Variants in CD320 observed in about 807,000 individuals in gnomAD.
The protein encoded by CD320 is CD320 molecule, also known as CD320 antigen.
A neutral mutation model predicts 22.1 loss-of-function variants in CD320; 16 were observed. The ratio of observed to expected loss-of-function variants is 0.73; its 90% CI spans 0.49 to 1.10. The LOEUF is 1.10. CD320 is among the 50% of genes least tolerant of loss of function. CD320 has a pLI of 0.00. For synonymous variants in CD320, 188 were observed against 167.8 expected, an observed-to-expected ratio of 1.12 and a Z score of -0.93; for missense variants, 388 against 376.9, an observed-to-expected ratio of 1.03 and a Z score of -0.24.
At chr19:8,307,951 C>T (rs1774287270) in intron 1 of CD320, among the ~76,000 whole-genome samples, 198 bp downstream of exon 1, 1 of 152,152 alleles carries the variant, frequency 6.6e-6, no homozygotes, top group African/African-American at 2.4e-5. Flanking sequence ...GGTGGAGACA[C>T]CCTCCTCCCC....
At chr19:8,304,933 G>T in intron 2 of CD320, 98 bp downstream of exon 2, 2 of 1,446,798 alleles carry the variant, frequency 1.4e-6, no homozygotes, top group Non-Finnish European at 1.9e-6. Flanking sequence ...CTGCGGCCCT[G>T]CCTTTCCCAC....
At position 8,308,100 on chromosome 19, in the gene CD320, G is replaced by A. The variant is rs975150074; in HGVS notation, c.142+49C>T. ...AGGCGTTGTCGGTGCGCGGCGGCGG[G>A]GCGAAGCCTCGCGAGGGGTGGGAGC... On this transcript the variant is annotated intron_variant, in intron 1 of 4. Coordinates refer to ENST00000301458, the MANE Select transcript of CD320 (RefSeq NM_016579.4). 5 of 1,427,392 alleles carry A rather than the reference G, an allele frequency of 3.5e-6. No homozygotes were observed. The African/African-American group carries it at 4.5e-5, about 13-fold the overall frequency. 88.4% of individuals were successfully genotyped at this position (1,427,392 alleles called of 1,614,324 possible).
intron 3 of CD320, among the ~76,000 whole-genome samples, chr19:8,303,516 G>A (rs1007469972): frequency 6.6e-5 from 10 of 151,994 alleles, no homozygotes; most frequent in African/African-American, 2.4e-4. Flanking sequence ...AGGTTCAAGC[G>A]GTTCTCCTGA....
At chr19:8,306,764 C>T (rs962354028) in intron 1 of CD320, among the ~76,000 whole-genome samples, 2 of 152,214 alleles carry the variant, frequency 1.3e-5, no homozygotes, top group African/African-American at 2.4e-5. Context: ...ATCTGGCAGC[C>T]TCCAGGTGTG....
Position 8,302,594 on chromosome 19 carries a change from CACTGAGCACCGCTGTGGGGAA to C in CD320, c.707-10_717del. The C allele has an allele frequency of 1.9e-6, 3 of 1,613,678 alleles. No homozygotes were observed. Among genetic ancestry groups the C allele is most frequent in the Non-Finnish European group, 2.5e-6 (3 of 1,179,868 alleles). On this transcript the variant is annotated splice_acceptor_variant and splice_polypyrimidine_tract_variant and coding_sequence_variant and intron_variant, in exon 5 of 5. Transcript: ENST00000301458. LOFTEE classifies it high-confidence loss of function. ...AGGAGGGTGGCGGTGACCAGGCTTG[CACTGAGCACCGCTGTGGGGAA>C]CAGATGGACAGAGGAGTAAGGAGGG...
At chr19:8,307,647 TG>T (rs962704706) in intron 1 of CD320, among the ~76,000 whole-genome samples, 6 of 151,832 alleles carry the variant, frequency 4.0e-5, no homozygotes, top group Non-Finnish European at 7.4e-5. Flanking sequence ...TGCAGTAGCA[TG>T]GGGGGGAGAG....
intron 4 of CD320, 70 bp downstream of exon 4, chr19:8,302,707 C>A: frequency 3.1e-6 from 5 of 1,603,180 alleles, no homozygotes; most frequent in Non-Finnish European, 4.3e-6. Flanking sequence ...GCAGCTCATC[C>A]CTCCCCACCC....
chr19:8,305,373 T>A, intron 1 of CD320: 2 of 516,516 alleles, frequency 3.9e-6, no homozygotes, highest in Non-Finnish European at 7.0e-6. Context: ...GCTACTGCAC[T>A]CCCCAGGTTA....
In CD320 at chr19:8,302,533, C is replaced by T. The variant is rs370038440; in HGVS notation, c.779G>A (p.Arg260His). The change falls in exon 5 of 5, where the codon CGC becomes CAC. Residue 260 changes from arginine (R) to histidine (H), a missense_variant. Arg to His is a conservative substitution (Grantham distance 29, BLOSUM62 0). Transcript: ENST00000301458. ...CATGGCCACCAGTAACCCCAGTGGG[C>T]GGAGGCGCTCCTGGGCTCGGAGCCA... Reference protein sequence around the residue: ...LSWLRAQERLRPLGLLVAMKE... With the variant: ...LSWLRAQERLHPLGLLVAMKE... 2.0e-5 allele frequency: 32 copies of T among 1,613,920 alleles called. No homozygotes were observed. The highest frequency in any genetic ancestry group is 1.5e-4 in the African/African-American group (11 of 74,900).
rs374908464 is a variant in CD320, at chr19:8,306,356, A to G, written c.143-1200T>C. ...GCAGTGCCTGATTATAAGTGGACAC[A>G]GGTCACATAAGGGTCCAAGCTGGGT... On this transcript the variant is annotated intron_variant, in intron 1 of 4. Coordinates refer to ENST00000301458, the MANE Select transcript of CD320 (RefSeq NM_016579.4). Among the ~76,000 whole-genome samples, 987 of 152,310 alleles carry G rather than the reference A, an allele frequency of 6.5e-3. 97 individuals carry two copies. In the South Asian group the frequency reaches 0.17, roughly 27 times the overall value.
chr19:8,304,911 T>A (rs1970065437), intron 2 of CD320, 120 bp downstream of exon 2: 1 of 1,198,152 alleles, frequency 8.3e-7, no homozygotes, highest in Non-Finnish European at 1.2e-6. Context: ...CAGACCCAAG[T>A]CGCACCCATC....
chr19:8,304,913 G>A lies in CD320; in HGVS notation c.268+118C>T, dbSNP rs539271848. 10 of 1,226,480 alleles carry A rather than the reference G, an allele frequency of 8.2e-6. No homozygotes were observed. The South Asian group carries it at 9.7e-5, about 12-fold the overall frequency. The allele number at this position is 1,226,480 out of a possible 1,614,324, so 76.0% of individuals were successfully genotyped here. ...TTCTTATGACCCACAGACCCAAGTC[G>A]CACCCATCCCTGCGGCCCTGCCTTT... On this transcript the variant is annotated intron_variant, in intron 2 of 4. Transcript: ENST00000301458.
At chr19:8,304,866 C>T in intron 2 of CD320, 165 bp downstream of exon 2, 2 of 725,030 alleles carry the variant, frequency 2.8e-6, no homozygotes. Flanking sequence ...TGCGCCCAGC[C>T]CAAGCCCATC....
Position 8,303,805 on chromosome 19 carries a change from T to C in CD320, c.502+50A>G, listed in dbSNP as rs1443830778. On this transcript the variant is annotated intron_variant, in intron 3 of 4. Coordinates refer to ENST00000301458, the MANE Select transcript of CD320 (RefSeq NM_016579.4). ...AGCCTGGCCACGCCCCAGCAGGCAG[T>C]GGGTGTCCCCATCTACCCACGAGTC... is the stretch of plus-strand genomic sequence containing the variant. The C allele has an allele frequency of 5.4e-6, 7 of 1,287,310 alleles. 1 individual carries two copies. The highest frequency in any genetic ancestry group is 5.1e-5 in the South Asian group (4 of 79,036). 79.7% of individuals were successfully genotyped at this position (1,287,310 alleles called of 1,614,324 possible).
intron 2 of CD320, among the ~76,000 whole-genome samples, 191 bp from the exon 3 acceptor site, chr19:8,304,279 CCT>C (rs1200182456): frequency 2.0e-5 from 3 of 152,208 alleles, no homozygotes; most frequent in African/African-American, 7.2e-5. Flanking sequence ...AAGCTCTTCC[CCT>C]GAGACCCCAC....
Position 8,304,086 on chromosome 19 carries a change from TC to T in CD320, c.270del (p.Ile91LeufsTer43). The stretch of plus-strand genomic sequence containing the variant: ...TGCCCTTTCTGGGTACATGGCTCAA[TC>T]CCTGGGGCACAGGGTTGGTCAGGTC... Reference protein sequence around the residue: ...CSDGSDEEECRIEPCTQKGQC... With the variant: ...CSDGSDEEECXIEPCTQKGQC... On this transcript the variant is annotated frameshift_variant and splice_region_variant, in exon 3 of 5. Transcript: ENST00000301458. LOFTEE classifies it high-confidence loss of function. 1 of 1,503,686 alleles carries T rather than the reference TC, an allele frequency of 6.7e-7. No individual in the cohort carries two copies. The highest frequency in any genetic ancestry group is 9.1e-7 in the Non-Finnish European group (1 of 1,102,980). The allele number at this position is 1,503,686 out of a possible 1,614,324, so 93.1% of individuals were successfully genotyped here.
chr19:8,303,601 G>T (rs1324460472), intron 3 of CD320, among the ~76,000 whole-genome samples: 5 of 151,984 alleles, frequency 3.3e-5, no homozygotes, highest in African/African-American at 1.2e-4. Context: ...TTTTAGTAGA[G>T]ACGGGGTTTC....
At chr19:8,306,473 C>T (rs1292467833) in intron 1 of CD320, among the ~76,000 whole-genome samples, 1 of 152,176 alleles carries the variant, frequency 6.6e-6, no homozygotes, top group African/African-American at 2.4e-5. Flanking sequence ...CAACCTGGGC[C>T]AAGGGACAGA....
chr19:8,307,356 A>C (rs1365137483), intron 1 of CD320, among the ~76,000 whole-genome samples: 1 of 151,456 alleles, frequency 6.6e-6, no homozygotes, highest in Non-Finnish European at 1.5e-5. Context: ...CAAACAAAAA[A>C]AAACCCAGGA....
Sources: allele counts gnomAD v4.1 joint callset (sites outside exome capture counted in the v4.1 genomes callset), GRCh38; gene constraint gnomAD v4.1.1; transcripts MANE v1.5; gene names NCBI Gene and HGNC (gene_info 2026-07-23, HGNC 2026-07-21).